Variants in DLD observed in about 807,000 individuals in gnomAD.
The protein encoded by DLD is dihydrolipoamide dehydrogenase.
DLD carries 36 observed loss-of-function variants against 62.2 expected under a neutral mutation model. That is an observed-to-expected ratio of 0.58 (90% CI 0.44 to 0.76). The LOEUF (loss-of-function observed/expected upper bound fraction) is 0.76, where lower values mean the gene tolerates loss of function less well. Among genes scored for constraint, DLD ranks in the 30% least tolerant of loss-of-function variants. DLD has a pLI of 0.00. For missense variants in DLD, 541 were observed against 608.6 expected (o/e 0.89, Z 1.17); for synonymous variants, 204 against 199.6 (o/e 1.02, Z -0.19).
intron 1 of DLD, 95 bp from the exon 2 acceptor site, chr7:107,893,105 T>TA (rs2031629118): frequency 2.2e-6 from 2 of 892,738 alleles, no homozygotes; most frequent in Non-Finnish European, 3.6e-6. Flanking sequence ...CCTCGCTTGA[T>TA]ACGTTTGCCC....
At chr7:107,903,047 A>G (rs781199244) in intron 4 of DLD, among the ~76,000 whole-genome samples, 9 of 152,190 alleles carry the variant, frequency 5.9e-5, no homozygotes, top group Non-Finnish European at 1.5e-5. Flanking sequence ...TAATTTAGTC[A>G]AGTTAATTAA....
intron 1 of DLD, 115 bp downstream of exon 1, chr7:107,891,404 A>G (rs1385574747): frequency 8.5e-7 from 1 of 1,181,090 alleles, no homozygotes; most frequent in Non-Finnish European, 1.2e-6. Flanking sequence ...CCTGGGCCGC[A>G]CCACCCCTGG....
rs562906882 is a variant in DLD at position 107,914,157 on chromosome 7, G to A, written c.685-1349G>A. On this transcript the variant is annotated intron_variant, in intron 8 of 13. Coordinates refer to ENST00000205402, the MANE Select transcript of DLD (RefSeq NM_000108.5). ...AACTTAGATTTCTCTAATGACTTAC[G>A]GGGTTGAGCATTTTTTAATGTACTT... Among the ~76,000 whole-genome samples the A allele has an allele frequency of 2.6e-5, 4 of 152,106 alleles. No individual in the cohort carries two copies. In the East Asian group the frequency reaches 5.8e-4, roughly 22 times the overall value.
chr7:107,905,223 C>A, intron 6 of DLD, 138 bp from the exon 7 acceptor site: 1 of 1,072,834 alleles, frequency 9.3e-7, no homozygotes, highest in Non-Finnish European at 1.4e-6. Context: ...GATTTTTTTG[C>A]TGCACCATGG....
In DLD at chr7:107,919,275, A is replaced by AT. The variant is rs770747161; in HGVS notation, c.*17dup. 1.9e-4 allele frequency: 300 copies of AT among 1,567,532 alleles called. No homozygotes were observed. The highest frequency in any genetic ancestry group is 2.2e-4 in the Admixed American group (13 of 59,440). Reference sequence around the variant, plus strand: ...CAACTTTTGAATTAGAAGATTATATATATTTTTTTCTGAAATTTCCTGGGA... The same window carrying AT: ...CAACTTTTGAATTAGAAGATTATATATTATTTTTTTCTGAAATTTCCTGGGA... On this transcript the variant is annotated 3_prime_UTR_variant, in exon 14 of 14. Transcript: ENST00000205402.
At chr7:107,917,578 T>A in intron 11 of DLD, 116 bp downstream of exon 11, 3 of 1,063,766 alleles carry the variant, frequency 2.8e-6, no homozygotes, top group Non-Finnish European at 2.9e-6. Flanking sequence ...TGAAATATTG[T>A]TTAGCTTATA....
chr7:107,908,806 AATAAT>A (rs2032071402), intron 8 of DLD, among the ~76,000 whole-genome samples: 1 of 152,174 alleles, frequency 6.6e-6, no homozygotes, highest in South Asian at 2.1e-4. Context: ...AGTACCCACT[AATAAT>A]AATACATTGC....
chr7:107,919,254 T>G lies in DLD; in HGVS notation c.1525T>G (p.Phe509Val), dbSNP rs767210146. Reference sequence around the variant, plus strand: ...TGCGTCATTTGGCAAATCAATCAACTTTTGAATTAGAAGATTATATATATT... The same window carrying G: ...TGCGTCATTTGGCAAATCAATCAACGTTTGAATTAGAAGATTATATATATT... ...LAASFGKSIN[F>V] Residue 509 changes from phenylalanine to valine, a missense_variant, in exon 14 of 14, where the codon TTT (phenylalanine) becomes GTT (valine). Phe to Val is a conservative substitution (Grantham distance 50). Transcript: ENST00000205402. 16 of 1,609,604 alleles carry G rather than the reference T, an allele frequency of 9.9e-6. No homozygotes were observed. The highest frequency in any genetic ancestry group is 1.4e-5 in the Non-Finnish European group (16 of 1,177,456).
At chr7:107,917,541 T>C in intron 11 of DLD, 79 bp downstream of exon 11, 2 of 1,318,850 alleles carry the variant, frequency 1.5e-6, no homozygotes, top group Non-Finnish European at 2.2e-6. Context: ...CAGCATTTTA[T>C]CATTATGCTA....
chr7:107,904,902 T>A, intron 5 of DLD, 56 bp from the exon 6 acceptor site: 1 of 1,298,000 alleles, frequency 7.7e-7, no homozygotes, highest in Non-Finnish European at 1.1e-6. Context: ...TGAAAAACAC[T>A]GCATATTGCT....
chr7:107,915,769 G>A lies in DLD; in HGVS notation c.875+73G>A, dbSNP rs149646257. 1.1e-5 allele frequency: 15 copies of A among 1,392,606 alleles called. No individual in the cohort carries two copies. In the East Asian group the frequency reaches 2.8e-4, roughly 26 times the overall value. The allele number at this position is 1,392,606 out of a possible 1,614,324, so 86.3% of individuals were successfully genotyped here. ...GCAAAACACTCAAGTTTCAAAATCA[G>A]TTTAGCAAATATAGGGTTTTTTCTA... On this transcript the variant is annotated intron_variant, in intron 9 of 13. Coordinates refer to ENST00000205402, the MANE Select transcript of DLD (RefSeq NM_000108.5).
chr7:107,905,336 A>G, intron 6 of DLD, 25 bp from the exon 7 acceptor site: 1 of 1,601,002 alleles, frequency 6.2e-7, no homozygotes, highest in Non-Finnish European at 8.6e-7. Flanking sequence ...AAACTTTGTG[A>G]ATTTATAAAG....
intron 2 of DLD, among the ~76,000 whole-genome samples, chr7:107,895,588 C>T (rs1226764524): frequency 6.6e-6 from 1 of 152,230 alleles, no homozygotes; most frequent in Non-Finnish European, 1.5e-5. Context: ...GGGCTAACTA[C>T]TGGAGTACCG....
chr7:107,917,482 G>GT lies in DLD; in HGVS notation c.1236+24dup, dbSNP rs1218802472. 3 of 1,613,506 alleles carry GT rather than the reference G, an allele frequency of 1.9e-6. No individual in the cohort carries two copies. The highest frequency in any genetic ancestry group is 3.3e-5 in the Admixed American group (2 of 60,014). ...GAAGAGGTAAGTCTGAACATGGGTG[G>GT]TTTTAAGCCAATGTGTGAGTTGTGC... On this transcript the variant is annotated intron_variant, in intron 11 of 13. Coordinates refer to ENST00000205402, the MANE Select transcript of DLD (RefSeq NM_000108.5).
chr7:107,915,166 C>T (rs2032236785), intron 8 of DLD, among the ~76,000 whole-genome samples: 1 of 152,138 alleles, frequency 6.6e-6, no homozygotes, highest in Admixed American at 6.5e-5. Context: ...TTTCCTGTAG[C>T]ACTTTATTCT....
At chr7:107,909,347 C>T (rs1488467299) in intron 8 of DLD, among the ~76,000 whole-genome samples, 1 of 152,190 alleles carries the variant, frequency 6.6e-6, no homozygotes, top group African/African-American at 2.4e-5. Flanking sequence ...GCAGTCCCAT[C>T]ATCTGATCTG....
chr7:107,902,855 ATTG>A, intron 4 of DLD, among the ~76,000 whole-genome samples: 1 of 152,136 alleles, frequency 6.6e-6, no homozygotes, highest in East Asian at 1.9e-4. Flanking sequence ...TCACATCATT[ATTG>A]TTTGTCTTTG....
In DLD at chr7:107,901,820, A is replaced by G. The variant is rs1259941604; in HGVS notation, c.198+3A>G. 30 of 1,611,916 alleles carry G rather than the reference A, an allele frequency of 1.9e-5. No individual in the cohort carries two copies. Among genetic ancestry groups the G allele is most frequent in the African/African-American group, 2.7e-5 (2 of 74,750 alleles). On this transcript the variant is annotated splice_donor_region_variant and intron_variant, in intron 3 of 13. Coordinates refer to ENST00000205402, the MANE Select transcript of DLD (RefSeq NM_000108.5). The stretch of plus-strand genomic sequence containing the variant: ...AAGCTGCCCAGTTAGGCTTCAAGGT[A>G]AGGTTTGAACTCAAACTAAGTATTG...
rs2032354421 is a variant in DLD, at chr7:107,919,398, T to G, written c.*139T>G. ...ACTTTTGGAAGGTATTTAATAGGTT[T>G]GGACAAAATGGAATACTCTTATATC... is the stretch of plus-strand genomic sequence containing the variant. On this transcript the variant is annotated 3_prime_UTR_variant, in exon 14 of 14. Coordinates refer to ENST00000205402, the MANE Select transcript of DLD (RefSeq NM_000108.5). 1 of 677,440 alleles carries G rather than the reference T, an allele frequency of 1.5e-6. No individual in the cohort carries two copies. Among genetic ancestry groups the G allele is most frequent in the African/African-American group, 1.8e-5 (1 of 55,036 alleles). 42.0% of individuals were successfully genotyped at this position (677,440 alleles called of 1,614,324 possible). A position where few individuals can be genotyped will look rare whatever the true frequency, so the allele number is the denominator to read the frequency against.
Sources: allele counts gnomAD v4.1 joint callset (sites outside exome capture counted in the v4.1 genomes callset), GRCh38; gene constraint gnomAD v4.1.1; transcripts MANE v1.5; gene names NCBI Gene and HGNC (gene_info 2026-07-23, HGNC 2026-07-21).